Variants in SLIT1 observed in about 807,000 individuals in gnomAD.
SLIT1 encodes slit homolog 1 protein.
A neutral mutation model predicts 186.1 loss-of-function variants in SLIT1; 66 were observed. That is an observed-to-expected ratio of 0.35 (90% CI 0.29 to 0.44). The LOEUF (loss-of-function observed/expected upper bound fraction) is 0.44. Ranked by LOEUF, SLIT1 falls within the 20% of genes least tolerant of loss-of-function variation. SLIT1 has a pLI of 1.00. For missense variants in SLIT1, 1,638 were observed against 2,037.4 expected, an observed-to-expected ratio of 0.80 and a Z score of 3.77; for synonymous variants, 761 against 833.8, an observed-to-expected ratio of 0.91 and a Z score of 1.50.
chr10:97,003,726 G>A (rs1848332750), intron 34 of SLIT1, among the ~76,000 whole-genome samples: 1 of 152,220 alleles, frequency 6.6e-6, no homozygotes, highest in African/African-American at 2.4e-5. Context: ...GGGTCTCAGA[G>A]GGCCCCAAGA....
At position 97,037,787 on chromosome 10, in the gene SLIT1, C is replaced by T. The variant is rs548595580; in HGVS notation, c.2298-21G>A. On this transcript the variant is annotated intron_variant, in intron 21 of 36. Transcript: ENST00000266058. ...AATAGCTGCAGAGAGAACACAGCGG[C>T]GTTAGTGCCCATCTCCACCTCTGGT... 9.6e-5 allele frequency: 152 copies of T among 1,588,672 alleles called. 1 individual carries two copies. The South Asian group carries it at 1.5e-3, about 15-fold the overall frequency.
intron 4 of SLIT1, among the ~76,000 whole-genome samples, chr10:97,120,909 A>T: frequency 6.6e-6 from 1 of 152,172 alleles, no homozygotes; most frequent in East Asian, 1.9e-4. Context: ...TTCCTGCCAC[A>T]TAGAAGGGTT....
chr10:97,180,222 G>C (rs534289575), intron 1 of SLIT1, among the ~76,000 whole-genome samples: 1 of 152,346 alleles, frequency 6.6e-6, no homozygotes, highest in South Asian at 2.1e-4. Flanking sequence ...GCAATTCTCT[G>C]TCACCTTAAT....
At position 97,185,552 on chromosome 10, in the gene SLIT1, G is replaced by A. The variant is rs543242872; in HGVS notation, c.123C>T (p.Thr41=). The A allele has an allele frequency of 3.5e-5, 57 of 1,611,304 alleles. No individual in the cohort carries two copies. Among genetic ancestry groups the A allele is most frequent in the Non-Finnish European group, 4.7e-5 (55 of 1,179,406 alleles). The change falls in exon 1 of 37, where the codon ACC becomes ACT. Residue 41 remains threonine (T), a synonymous_variant. Transcript: ENST00000266058. ...ASACPALCTC[T]GTTVDCHGTG... The stretch of plus-strand genomic sequence containing the variant: ...TGCCGTGGCAGTCCACCGTGGTTCC[G>A]GTGCAGGTGCAGAGGGCGGGGCACG...
chr10:97,089,444 C>G (rs1245657589), intron 4 of SLIT1, among the ~76,000 whole-genome samples: 1 of 152,172 alleles, frequency 6.6e-6, no homozygotes, highest in Non-Finnish European at 1.5e-5. Context: ...GGCTCCAGGG[C>G]TCTGCTACTC....
At chr10:97,062,576 C>T (rs1254002039) in intron 8 of SLIT1, among the ~76,000 whole-genome samples, 3 of 152,220 alleles carry the variant, frequency 2.0e-5, no homozygotes, top group African/African-American at 7.2e-5. Context: ...CTGGGCCCTG[C>T]CCTGCAGGGT....
intron 1 of SLIT1, among the ~76,000 whole-genome samples, chr10:97,179,805 G>GCCCCCCC (rs200480011): frequency 7.3e-6 from 1 of 136,180 alleles, no homozygotes; most frequent in Non-Finnish European, 1.6e-5. Flanking sequence ...CACCCTCCCC[G>GCCCCCCC]CCCCCCGGCA....
rs534194851 is a variant in SLIT1 at position 97,114,216 on chromosome 10, A to C, written c.413+43602T>G. Among the ~76,000 whole-genome samples, 3 of 152,362 alleles carry C rather than the reference A, an allele frequency of 2.0e-5. No individual in the cohort carries two copies. The East Asian group carries it at 5.8e-4, about 29-fold the overall frequency. On this transcript the variant is annotated intron_variant, in intron 4 of 36. Transcript: ENST00000266058. Reference sequence around the variant, plus strand: ...GCAACACTTAGGTTCAACATGGAGCAGCCACGGAGGCCCTGAGTCCTCTCA... The same window carrying C: ...GCAACACTTAGGTTCAACATGGAGCCGCCACGGAGGCCCTGAGTCCTCTCA...
chr10:97,006,235 G>T lies in SLIT1; in HGVS notation c.3579+248C>A, dbSNP rs1355760085. 6.6e-6 allele frequency among the ~76,000 whole-genome samples: 1 copy of T among 152,184 alleles called. No individual in the cohort carries two copies. Among genetic ancestry groups the T allele is most frequent in the Non-Finnish European group, 1.5e-5 (1 of 68,028 alleles). On this transcript the variant is annotated intron_variant, in intron 32 of 36. Coordinates refer to ENST00000266058, the MANE Select transcript of SLIT1 (RefSeq NM_003061.3). This position sits in a 1 kb window ranked among gnomAD's most constrained non-coding sequence, Gnocchi z 4.0. ...GTGGGAAGGGATGATGGCAAGCCTG[G>T]TTTTCTGGATTCAGTTACCCATGAG...
At chr10:97,161,255 A>G (rs990778562) in intron 3 of SLIT1, among the ~76,000 whole-genome samples, 1 of 152,170 alleles carries the variant, frequency 6.6e-6, no homozygotes, top group African/African-American at 2.4e-5. Flanking sequence ...GTCAGGTTCA[A>G]ATCAGCCCCT....
chr10:97,163,016 C>T (rs1369042135), intron 3 of SLIT1, among the ~76,000 whole-genome samples: 3 of 152,208 alleles, frequency 2.0e-5, no homozygotes, highest in African/African-American at 4.8e-5. Flanking sequence ...TCCGTTGGCA[C>T]GGCTTCCTTT....
In SLIT1 at chr10:97,164,894, G is replaced by A. The variant is rs770832831; in HGVS notation, c.198-4C>T. ...GATGTTGTTGCCATTGAGTTCCCTG[G>A]AGGAAGAAGGAGAGAAGGAAGCAGT... On this transcript the variant is annotated splice_region_variant and splice_polypyrimidine_tract_variant and intron_variant, in intron 1 of 36. Transcript: ENST00000266058. 1.2e-6 allele frequency: 2 copies of A among 1,611,620 alleles called. No homozygotes were observed. Among genetic ancestry groups the A allele is most frequent in the South Asian group, 2.2e-5 (2 of 91,012 alleles).
chr10:97,064,130 C>T, intron 7 of SLIT1, 38 bp downstream of exon 7: 2 of 1,565,346 alleles, frequency 1.3e-6, no homozygotes, highest in Non-Finnish European at 8.7e-7. Flanking sequence ...ATCAACCGGG[C>T]TTGGCTGCCC....
At chr10:97,035,315 C>T (rs1266908984) in intron 22 of SLIT1, among the ~76,000 whole-genome samples, 2 of 152,146 alleles carry the variant, frequency 1.3e-5, no homozygotes, top group African/African-American at 4.8e-5. Context: ...CCTGTGCTGA[C>T]AGTGCCCCCC....
rs112083947 is a variant in SLIT1, at chr10:97,068,224, G to C, written c.414-2138C>G. On this transcript the variant is annotated intron_variant, in intron 4 of 36. Coordinates refer to ENST00000266058, the MANE Select transcript of SLIT1 (RefSeq NM_003061.3). The surrounding 1 kb of genome is among the most constrained non-coding windows in gnomAD (Gnocchi z 4.2). ...AGTCCCCAGCTACCTCCCCTTCTCT[G>C]GGCTGGGGACTTGCAGCTGGAGGGA... 0.014 allele frequency among the ~76,000 whole-genome samples: 2,147 copies of C among 152,250 alleles called. 48 individuals are homozygous for C. Among genetic ancestry groups the C allele is most frequent in the African/African-American group, 0.045 (1,876 of 41,532 alleles).
At chr10:97,086,630 T>C (rs994961769) in intron 4 of SLIT1, among the ~76,000 whole-genome samples, 5 of 151,978 alleles carry the variant, frequency 3.3e-5, no homozygotes, top group Non-Finnish European at 7.4e-5. Context: ...CTGAAATGCA[T>C]ATGATTAAGT....
In SLIT1 at chr10:97,002,829, G is replaced by T; in HGVS notation, c.4029C>A (p.Arg1343=). ...AGATGCCATGCAGGCAGTAGAGCTT[G>T]CGGCAGGGTTCGCAGCCTGGCACCA... The part of the protein sequence containing the change: ...PGVVPGCEPC[R]KLYCLHGICQ... Residue 1343 remains arginine, a synonymous_variant, in exon 35 of 37, where the codon CGC becomes CGA. Transcript: ENST00000266058. The T allele has an allele frequency of 6.2e-7, 1 of 1,614,190 alleles. No homozygotes were observed. The highest frequency in any genetic ancestry group is 1.1e-5 in the South Asian group (1 of 91,084).
At chr10:97,059,957 A>G (rs1323064671) in intron 10 of SLIT1, 130 bp downstream of exon 10, 4 of 783,944 alleles carry the variant, frequency 5.1e-6, no homozygotes, top group Non-Finnish European at 9.1e-6. Context: ...AAGGGCAGGA[A>G]GGTCAGGTGG....
In SLIT1 at chr10:97,137,764, T is replaced by G. The variant is rs564279162; in HGVS notation, c.413+20054A>C. Among the ~76,000 whole-genome samples, 59 of 152,304 alleles carry G rather than the reference T, an allele frequency of 3.9e-4. 1 individual carries two copies. The highest frequency in any genetic ancestry group is 1.4e-3 in the African/African-American group (58 of 41,572). The stretch of plus-strand genomic sequence containing the variant: ...CCATCCCCAGCTAATTTTTGTATTT[T>G]CTGTAGAGACGGGGTTTTGTCATGT... On this transcript the variant is annotated intron_variant, in intron 4 of 36. Coordinates refer to ENST00000266058, the MANE Select transcript of SLIT1 (RefSeq NM_003061.3).
Sources: allele counts gnomAD v4.1 joint callset (sites outside exome capture counted in the v4.1 genomes callset), GRCh38; gene constraint gnomAD v4.1.1; non-coding constraint Gnocchi (gnomAD v3.1); transcripts MANE v1.5; gene names NCBI Gene and HGNC (gene_info 2026-07-23, HGNC 2026-07-21).